KATNAL1: variants seen among roughly 807,000 people sequenced by gnomAD.
KATNAL1 encodes katanin p60 ATPase-containing subunit A-like 1.
KATNAL1 carries 32 observed loss-of-function variants against 55.2 expected under a neutral mutation model. The ratio of observed to expected loss-of-function variants is 0.58; its 90% confidence interval spans 0.44 to 0.78. The LOEUF is 0.78. KATNAL1 is among the 30% of genes least tolerant of loss of function. KATNAL1 has a pLI of 0.00. For synonymous variants in KATNAL1, 193 were observed against 193.6 expected, an observed-to-expected ratio of 1.00 and a Z score of 0.02; for missense variants, 466 against 600.9, an observed-to-expected ratio of 0.78 and a Z score of 2.35.
chr13:30,234,120 T>G (rs1566096901), intron 6 of KATNAL1, among the ~76,000 whole-genome samples: 1 of 152,216 alleles, frequency 6.6e-6, no homozygotes, highest in Non-Finnish European at 1.5e-5. Context: ...TTATACTGAT[T>G]GGATCTTTAC....
rs1877171795 is a variant in KATNAL1, at chr13:30,240,632, T to C, written c.621-67A>G. Reference sequence around the variant, plus strand: ...TCTTTGATTTATGGTCAAAACTAATTCTTTTAATTTTTTTTTACTTATGAA... The same window carrying C: ...TCTTTGATTTATGGTCAAAACTAATCCTTTTAATTTTTTTTTACTTATGAA... On this transcript the variant is annotated intron_variant, in intron 5 of 10. Coordinates refer to ENST00000380615, the MANE Select transcript of KATNAL1 (RefSeq NM_032116.5). 19 of 1,087,204 alleles carry C rather than the reference T, an allele frequency of 1.7e-5. No homozygotes were observed. In the South Asian group the frequency reaches 2.7e-4, roughly 16 times the overall value. 67.3% of individuals were successfully genotyped at this position (1,087,204 alleles called of 1,614,324 possible).
intron 3 of KATNAL1, among the ~76,000 whole-genome samples, chr13:30,270,618 C>A (rs552310953): frequency 1.3e-5 from 2 of 151,984 alleles, no homozygotes; most frequent in South Asian, 2.1e-4. Flanking sequence ...TTACCCCCAA[C>A]CCTGTGCTCT....
chr13:30,274,907 G>GCGCACACA lies in KATNAL1; in HGVS notation c.323+5155_323+5156insTGTGTGCG, dbSNP rs869107567. ...CACACACATACGCGCGCGCGCGCGC[G>GCGCACACA]CACACACACACACACACACACACAC... On this transcript the variant is annotated intron_variant, in intron 3 of 10. Coordinates refer to ENST00000380615, the MANE Select transcript of KATNAL1 (RefSeq NM_032116.5). Among the ~76,000 whole-genome samples, 545 of 105,416 alleles carry GCGCACACA rather than the reference G, an allele frequency of 5.2e-3. 1 individual carries two copies. The highest frequency in any genetic ancestry group is 9.0e-3 in the East Asian group (33 of 3,664). The allele number at this position is 105,416 out of a possible 152,430, so 69.2% of individuals were successfully genotyped here.
intron 1 of KATNAL1, among the ~76,000 whole-genome samples, chr13:30,291,898 G>A (rs867325389): frequency 3.3e-5 from 5 of 152,118 alleles, no homozygotes; most frequent in Middle Eastern, 3.4e-3. Context: ...AGCCGGGTGC[G>A]GTGGGGCATG....
In KATNAL1 at chr13:30,205,277, G is replaced by C. The variant is rs1263408421; in HGVS notation, c.*3263C>G. 1 of 152,200 alleles carries C rather than the reference G, an allele frequency of 6.6e-6. No homozygotes were observed. Among genetic ancestry groups the C allele is most frequent in the African/African-American group, 2.4e-5 (1 of 41,454 alleles). 9.4% of individuals were successfully genotyped at this position (152,200 alleles called of 1,614,324 possible). ...AGCCAGAAGCTATACAGAGTCGTTA[G>C]AGAAACTGCCAAGTTTGAACTGTAC... On this transcript the variant is annotated 3_prime_UTR_variant, in exon 11 of 11. Coordinates refer to ENST00000380615, the MANE Select transcript of KATNAL1 (RefSeq NM_032116.5).
At chr13:30,238,627 T>A (rs756916346) in intron 6 of KATNAL1, among the ~76,000 whole-genome samples, 31 of 152,198 alleles carry the variant, frequency 2.0e-4, no homozygotes, top group Non-Finnish European at 4.0e-4. Context: ...TCCTCAAGCA[T>A]AAAGCCTTCT....
chr13:30,236,352 G>C (rs1198708236), intron 6 of KATNAL1, among the ~76,000 whole-genome samples: 1 of 152,162 alleles, frequency 6.6e-6, no homozygotes, highest in Non-Finnish European at 1.5e-5. Context: ...CTCAACCTGT[G>C]AAGTTTGGCC....
chr13:30,214,560 G>GGTA (rs1874021686), intron 9 of KATNAL1, among the ~76,000 whole-genome samples: 1 of 152,104 alleles, frequency 6.6e-6, no homozygotes, highest in Non-Finnish European at 1.5e-5. Context: ...GCATGGTACT[G>GGTA]GTACCAGAAC....
intron 8 of KATNAL1, among the ~76,000 whole-genome samples, chr13:30,230,256 C>T (rs1875959540): frequency 6.6e-6 from 1 of 152,168 alleles, no homozygotes; most frequent in South Asian, 2.1e-4. Context: ...CCATAGTAGC[C>T]TTTTTCTTTG....
chr13:30,301,376 CAAACAA>C (rs1882845305), intron 1 of KATNAL1, among the ~76,000 whole-genome samples: 2 of 151,910 alleles, frequency 1.3e-5, no homozygotes, highest in Non-Finnish European at 2.9e-5. Flanking sequence ...CTGAAAAAAA[CAAACAA>C]AAAAAACCCT....
At chr13:30,230,721 G>C (rs1364147738) in intron 7 of KATNAL1, 127 bp from the exon 8 acceptor site, 3 of 672,078 alleles carry the variant, frequency 4.5e-6, no homozygotes, top group Non-Finnish European at 7.2e-6. Context: ...CCATCATCTG[G>C]TTATGGCAAA....
intron 1 of KATNAL1, among the ~76,000 whole-genome samples, chr13:30,301,095 T>G (rs1882822444): frequency 6.6e-6 from 1 of 152,186 alleles, no homozygotes. Context: ...TGGCCAGGCA[T>G]GGTGGCTCAC....
In KATNAL1 at chr13:30,208,424, C is replaced by T; in HGVS notation, c.*116G>A. ...TCTTCGCAGTTTTAGATTTTTTTTT[C>T]CTTTAAGCGAAAACCACTCCACTGA... is the stretch of plus-strand genomic sequence containing the variant. On this transcript the variant is annotated 3_prime_UTR_variant, in exon 11 of 11. Coordinates refer to ENST00000380615, the MANE Select transcript of KATNAL1 (RefSeq NM_032116.5). 2.1e-5 allele frequency: 16 copies of T among 778,030 alleles called. No individual in the cohort carries two copies. The highest frequency in any genetic ancestry group is 2.7e-5 in the East Asian group (1 of 37,458). The allele number at this position is 778,030 out of a possible 1,614,324, so 48.2% of individuals were successfully genotyped here.
intron 3 of KATNAL1, among the ~76,000 whole-genome samples, chr13:30,256,873 A>G (rs952611126): frequency 6.6e-6 from 1 of 152,186 alleles, no homozygotes; most frequent in African/African-American, 2.4e-5. Flanking sequence ...CAGTTAAACA[A>G]GTATTTACTG....
intron 1 of KATNAL1, chr13:30,296,613 G>A: frequency 1.4e-6 from 1 of 715,446 alleles, no homozygotes; most frequent in Non-Finnish European, 2.6e-6. Flanking sequence ...TCTGCAGCTG[G>A]TCCAGACCAT....
At chr13:30,300,831 C>T (rs1047533002) in intron 1 of KATNAL1, among the ~76,000 whole-genome samples, 2 of 152,050 alleles carry the variant, frequency 1.3e-5, no homozygotes, top group African/African-American at 2.4e-5. Flanking sequence ...GTAATTAAGG[C>T]TTTTCATTTA....
chr13:30,228,518 A>C (rs949180337), intron 8 of KATNAL1, among the ~76,000 whole-genome samples: 1 of 152,226 alleles, frequency 6.6e-6, no homozygotes, highest in East Asian at 1.9e-4. Context: ...CAGCTGACTA[A>C]ATTTGTATTC....
chr13:30,216,879 T>C (rs1874314191), intron 9 of KATNAL1, among the ~76,000 whole-genome samples: 1 of 152,216 alleles, frequency 6.6e-6, no homozygotes, highest in Non-Finnish European at 1.5e-5. Context: ...AGAATACCAC[T>C]GTATGTGTAA....
At chr13:30,303,761 CAA>C (rs1883008020) in intron 1 of KATNAL1, among the ~76,000 whole-genome samples, 1 of 152,058 alleles carries the variant, frequency 6.6e-6, no homozygotes, top group African/African-American at 2.4e-5. Flanking sequence ...GAAAACAAGG[CAA>C]AAGTACATTG....
Sources: gnomAD v4.1 joint callset for allele counts (sites outside exome capture counted in the v4.1 genomes callset) on GRCh38, gnomAD v4.1.1 for gene constraint, MANE v1.5 for transcripts, NCBI Gene and HGNC (gene_info 2026-07-23, HGNC 2026-07-21) for gene names.